The following DISC1 variants were observed in gnomAD, a reference collection of about 807,000 sequenced individuals.
DISC1 encodes the protein disrupted in schizophrenia 1 protein.
In DISC1, 57 loss-of-function variants were observed where a neutral mutation model predicts 84.5. That is an observed-to-expected ratio of 0.67 (90% CI 0.55 to 0.84). The LOEUF (loss-of-function observed/expected upper bound fraction) is 0.84. DISC1 is among the 40% of genes least tolerant of loss of function. The pLI is 0.00. For missense variants in DISC1, 1,000 were observed against 1,057.8 expected (o/e 0.95, Z 0.76); for synonymous variants, 411 against 415.2 (o/e 0.99, Z 0.12).
At position 232,038,950 on chromosome 1, in the gene DISC1, A is replaced by G. The variant is rs987844497; in HGVS notation, c.*2119A>G. The G allele has an allele frequency of 6.6e-6, 1 of 152,234 alleles. No homozygotes were observed. The highest frequency in any genetic ancestry group is 1.9e-4 in the East Asian group (1 of 5,196). The allele number at this position is 152,234 out of a possible 1,614,324, so 9.4% of individuals were successfully genotyped here. ...TCTGTCCTCAGTCAAGGAGATGGCC[A>G]TGCTTAAGCCAGCAATTGGCTGGGG... On this transcript the variant is annotated 3_prime_UTR_variant, in exon 13 of 13. Coordinates refer to ENST00000439617, the MANE Select transcript of DISC1 (RefSeq NM_018662.3).
At chr1:231,885,899 A>G (rs1017298025) in intron 9 of DISC1, among the ~76,000 whole-genome samples, 1 of 152,206 alleles carries the variant, frequency 6.6e-6, no homozygotes, top group Admixed American at 6.5e-5. Flanking sequence ...CTGTGGCCAT[A>G]ACAGAACACC....
intron 10 of DISC1, among the ~76,000 whole-genome samples, chr1:231,976,915 A>C (rs1284662466): frequency 1.3e-5 from 2 of 152,184 alleles, no homozygotes; most frequent in African/African-American, 4.8e-5. Flanking sequence ...ATAATCTGCT[A>C]TATACTTTAA....
intron 10 of DISC1, among the ~76,000 whole-genome samples, chr1:231,960,609 C>T (rs1276914208): frequency 6.6e-6 from 1 of 152,206 alleles, no homozygotes; most frequent in East Asian, 1.9e-4. Flanking sequence ...AAAACACAAA[C>T]TGCTTTTCCT....
At chr1:231,848,983 C>G (rs1049010915) in intron 9 of DISC1, among the ~76,000 whole-genome samples, 1 of 152,154 alleles carries the variant, frequency 6.6e-6, no homozygotes, top group Non-Finnish European at 1.5e-5. Flanking sequence ...AACTGACAGT[C>G]TTTTGAAGTT....
chr1:231,673,368 G>A (rs2062811463), intron 1 of DISC1, among the ~76,000 whole-genome samples: 1 of 151,942 alleles, frequency 6.6e-6, no homozygotes. Context: ...AGGCTGGAGT[G>A]CAGTGGCTAT....
chr1:231,840,128 C>T (rs1329700844), intron 9 of DISC1, among the ~76,000 whole-genome samples: 1 of 152,192 alleles, frequency 6.6e-6, no homozygotes, highest in African/African-American at 2.4e-5. Context: ...AAAATACTGA[C>T]AACACCAAGT....
chr1:231,762,146 CTTCT>C (rs752210630), intron 4 of DISC1, among the ~76,000 whole-genome samples: 29 of 123,692 alleles, frequency 2.3e-4, no homozygotes, highest in Non-Finnish European at 4.2e-4. Flanking sequence ...TCTTTCTTTC[CTTCT>C]TTCTTTTTCT....
intron 9 of DISC1, among the ~76,000 whole-genome samples, chr1:231,859,567 T>TG (rs2084504973): frequency 4.0e-5 from 1 of 25,268 alleles, no homozygotes; most frequent in African/African-American, 3.7e-4. Flanking sequence ...ATACCATCAC[T>TG]TTGGGGTTAG....
chr1:231,908,850 C>G (rs1469387718), intron 9 of DISC1, among the ~76,000 whole-genome samples: 2 of 152,138 alleles, frequency 1.3e-5, no homozygotes, highest in African/African-American at 4.8e-5. Flanking sequence ...TTTTGTTGAG[C>G]AGTGATTTGT....
At chr1:231,959,884 C>T (rs1334250305) in intron 10 of DISC1, among the ~76,000 whole-genome samples, 2 of 152,182 alleles carry the variant, frequency 1.3e-5, no homozygotes, top group South Asian at 2.1e-4. Context: ...TTCCTCCTCT[C>T]GCATGTGTTC....
chr1:231,648,371 C>A (rs571016632), intron 1 of DISC1, among the ~76,000 whole-genome samples: 12 of 152,250 alleles, frequency 7.9e-5, no homozygotes, highest in African/African-American at 2.9e-4. Flanking sequence ...TATTGACTTG[C>A]ATATGTTGAA....
chr1:231,655,101 C>G (rs2060944952), intron 1 of DISC1, among the ~76,000 whole-genome samples: 2 of 152,110 alleles, frequency 1.3e-5, no homozygotes, highest in African/African-American at 4.8e-5. Flanking sequence ...CCAACAAATT[C>G]TTTTTTTAAA....
At chr1:231,709,856 G>A (rs1190992327) in intron 3 of DISC1, among the ~76,000 whole-genome samples, 1 of 152,180 alleles carries the variant, frequency 6.6e-6, no homozygotes, top group African/African-American at 2.4e-5. Flanking sequence ...ATGTTGTAGA[G>A]TCCGGTTGAT....
At chr1:231,861,869 G>A (rs201299675) in intron 9 of DISC1, among the ~76,000 whole-genome samples, 37 of 152,220 alleles carry the variant, frequency 2.4e-4, no homozygotes, top group Non-Finnish European at 4.3e-4. Flanking sequence ...TGTAGGCCTA[G>A]GAAGCTTTAT....
Position 231,750,075 on chromosome 1 carries a change from C to T in DISC1, c.1267C>T (p.Gln423Ter). The T allele has an allele frequency of 6.2e-7, 1 of 1,613,334 alleles. No individual in the cohort carries two copies. Among genetic ancestry groups the T allele is most frequent in the Non-Finnish European group, 8.5e-7 (1 of 1,179,664 alleles). ...QAALRRGATQ[Q>*]ASGDDTHTPL... ...TGCCTTGCGCCGTGGGGCCACTCAG[C>T]AGTGAGTACTTGTTATTGTCACCAT... Residue 423 changes from glutamine (Q) to a stop codon, truncating the protein, a stop_gained and splice_region_variant, in exon 4 of 13, where the codon CAG becomes TAG. Coordinates refer to ENST00000439617, the MANE Select transcript of DISC1 (RefSeq NM_018662.3). LOFTEE classifies it high-confidence loss of function.
chr1:232,008,195 C>T (rs1412298331), intron 10 of DISC1, among the ~76,000 whole-genome samples: 1 of 152,176 alleles, frequency 6.6e-6, no homozygotes, highest in Non-Finnish European at 1.5e-5. Context: ...AACATAGTTA[C>T]AAGCTCTGCC....
At chr1:232,030,673 A>G (rs538170567) in intron 12 of DISC1, among the ~76,000 whole-genome samples, 1 of 152,288 alleles carries the variant, frequency 6.6e-6, no homozygotes, top group East Asian at 1.9e-4. Flanking sequence ...TCAACTTTCC[A>G]AATTTTAGCG....
intron 6 of DISC1, among the ~76,000 whole-genome samples, chr1:231,781,674 T>C (rs2125535047): frequency 6.6e-6 from 1 of 152,368 alleles, no homozygotes; most frequent in Non-Finnish European, 1.5e-5. Context: ...TTACATGTCT[T>C]TTGCAATCTT....
At chr1:231,832,511 A>T (rs1171556760) in intron 9 of DISC1, among the ~76,000 whole-genome samples, 1 of 152,068 alleles carries the variant, frequency 6.6e-6, no homozygotes, top group Non-Finnish European at 1.5e-5. Context: ...TTATGCCGAG[A>T]TAGGTAACAG....
Sources: allele counts gnomAD v4.1 joint callset (sites outside exome capture counted in the v4.1 genomes callset), GRCh38; gene constraint gnomAD v4.1.1; transcripts MANE v1.5; gene names NCBI Gene and HGNC (gene_info 2026-07-23, HGNC 2026-07-21).